Variants in CBX1 observed in about 807,000 individuals in gnomAD.
The protein encoded by CBX1 is chromobox 1.
CBX1 carries 10 observed loss-of-function variants against 25.1 expected under a neutral mutation model. The ratio of observed to expected loss-of-function variants is 0.40; its 90% CI spans 0.25 to 0.68. The LOEUF is 0.68. CBX1 is among the 30% of genes least tolerant of loss of function. The pLI is 0.40. For missense variants in CBX1, 106 were observed against 218.5 expected (o/e 0.49, Z 3.25); for synonymous variants, 63 against 79.4 (o/e 0.79, Z 1.10).
chr17:48,084,911 C>A (rs60073522), intron 1 of CBX1, among the ~76,000 whole-genome samples: 4,536 of 143,194 alleles, frequency 0.032, 282 homozygotes, highest in African/African-American at 0.11. Context: ...CTCCGTCTCA[C>A]AAAAAAAAAC....
At chr17:48,097,285 T>A (rs1465789861) in intron 1 of CBX1, among the ~76,000 whole-genome samples, 1 of 150,928 alleles carries the variant, frequency 6.6e-6, no homozygotes. Context: ...CACCACATTG[T>A]ACCCCATAAG....
At chr17:48,076,722 A>T in intron 2 of CBX1, 143 bp downstream of exon 2, 1 of 706,988 alleles carries the variant, frequency 1.4e-6, no homozygotes, top group Non-Finnish European at 2.4e-6. Flanking sequence ...TATAAGCAGT[A>T]GGCCATATTC....
intron 1 of CBX1, among the ~76,000 whole-genome samples, chr17:48,083,639 A>G (rs1241215425): frequency 2.0e-5 from 3 of 150,258 alleles, no homozygotes; most frequent in Non-Finnish European, 4.4e-5. Flanking sequence ...CCTGACCAAC[A>G]TGGTGATACC....
At chr17:48,087,993 CAT>C in intron 1 of CBX1, among the ~76,000 whole-genome samples, 1 of 151,738 alleles carries the variant, frequency 6.6e-6, no homozygotes, top group East Asian at 1.9e-4. Context: ...TAATTAAAAT[CAT>C]ATATTAACAT....
intron 1 of CBX1, among the ~76,000 whole-genome samples, chr17:48,092,463 TCTCTC>T (rs2144464093): frequency 6.7e-6 from 1 of 149,410 alleles, no homozygotes; most frequent in Admixed American, 6.7e-5. Flanking sequence ...TCTCTCTCTC[TCTCTC>T]TTTTTTTTTT....
At chr17:48,092,985 G>A (rs1031718307) in intron 1 of CBX1, among the ~76,000 whole-genome samples, 7 of 148,088 alleles carry the variant, frequency 4.7e-5, no homozygotes, top group Admixed American at 3.5e-4. Context: ...CAGGAGAATC[G>A]CTTGAACCCA....
At chr17:48,097,483 G>A (rs1052041325) in intron 1 of CBX1, among the ~76,000 whole-genome samples, 3 of 151,402 alleles carry the variant, frequency 2.0e-5, no homozygotes, top group Non-Finnish European at 2.9e-5. Context: ...GGGCGTTGTC[G>A]GGGCCCCCTG....
intron 1 of CBX1, among the ~76,000 whole-genome samples, chr17:48,093,882 G>A (rs2063357771): frequency 6.6e-6 from 1 of 152,100 alleles, no homozygotes; most frequent in Non-Finnish European, 1.5e-5. Context: ...CACTATGGGA[G>A]GCTGAGGCAG....
At chr17:48,080,582 TTTC>T (rs1316685383) in intron 1 of CBX1, among the ~76,000 whole-genome samples, 71 of 151,824 alleles carry the variant, frequency 4.7e-4, no homozygotes, top group Non-Finnish European at 4.4e-5. Flanking sequence ...ATCATTAAGT[TTTC>T]TAAACACTGT....
chr17:48,074,171 C>CGAGTTTCA (rs1254481995), intron 4 of CBX1, among the ~76,000 whole-genome samples: 4 of 152,152 alleles, frequency 2.6e-5, no homozygotes, highest in Non-Finnish European at 5.9e-5. Flanking sequence ...AGTACAGACA[C>CGAGTTTCA]GAGTTTCAGA....
intron 1 of CBX1, among the ~76,000 whole-genome samples, chr17:48,077,581 C>G (rs12946143): frequency 1.3e-5 from 2 of 151,620 alleles, no homozygotes; most frequent in African/African-American, 4.9e-5. Flanking sequence ...TGAGCCACCA[C>G]GCCTGGCCTT....
intron 1 of CBX1, among the ~76,000 whole-genome samples, chr17:48,099,545 G>C (rs759448908): frequency 6.6e-6 from 1 of 152,180 alleles, no homozygotes; most frequent in South Asian, 2.1e-4. Flanking sequence ...TTCAATACAA[G>C]TGCTTTTCAA....
intron 1 of CBX1, among the ~76,000 whole-genome samples, chr17:48,090,961 T>C (rs1431258315): frequency 1.3e-5 from 2 of 152,216 alleles, no homozygotes; most frequent in East Asian, 3.8e-4. Flanking sequence ...TGTGCACACA[T>C]GTGTTTGCAA....
chr17:48,076,241 A>C, intron 2 of CBX1, 63 bp from the exon 3 acceptor site: 2 of 1,287,056 alleles, frequency 1.6e-6, no homozygotes, highest in Non-Finnish European at 2.1e-6. Flanking sequence ...TACTAAGGAT[A>C]ATCGTAAGAG....
chr17:48,077,441 T>TTG (rs1555577796), intron 1 of CBX1, among the ~76,000 whole-genome samples: 22 of 78,058 alleles, frequency 2.8e-4, no homozygotes, highest in African/African-American at 5.2e-4. Context: ...TTGTTTTTTT[T>TTG]TTTGTTTTTT....
chr17:48,094,033 C>T (rs951945750), intron 1 of CBX1, among the ~76,000 whole-genome samples: 1 of 141,716 alleles, frequency 7.1e-6, no homozygotes, highest in African/African-American at 2.6e-5. Context: ...AGAATCGCTT[C>T]AACCTGGGAG....
chr17:48,079,884 A>AC (rs2037714781), intron 1 of CBX1, among the ~76,000 whole-genome samples: 3 of 152,208 alleles, frequency 2.0e-5, no homozygotes, highest in African/African-American at 7.2e-5. Context: ...TTTGGAAAAC[A>AC]AGTGTGGGGA....
chr17:48,076,779 T>C (rs2037678731), intron 2 of CBX1, 86 bp downstream of exon 2: 4 of 1,213,236 alleles, frequency 3.3e-6, no homozygotes, highest in Non-Finnish European at 4.7e-6. Flanking sequence ...TCACACTGTA[T>C]CCATCATAGC....
chr17:48,089,689 G>A (rs12940820), intron 1 of CBX1, among the ~76,000 whole-genome samples: 1 of 146,740 alleles, frequency 6.8e-6, no homozygotes, highest in Non-Finnish European at 1.5e-5. Flanking sequence ...TGGGCGTGGT[G>A]GCACATATCT....
Sources: gnomAD v4.1 joint callset for allele counts (sites outside exome capture counted in the v4.1 genomes callset) on GRCh38, gnomAD v4.1.1 for gene constraint, MANE v1.5 for transcripts, NCBI Gene and HGNC (gene_info 2026-07-23, HGNC 2026-07-21) for gene names.